The following COL9A1 variants were observed in gnomAD, a reference collection of about 807,000 sequenced individuals.
COL9A1 encodes the protein collagen type IX alpha 1 chain.
COL9A1 carries 104 observed loss-of-function variants against 142.6 expected under a neutral mutation model. That is an observed-to-expected ratio of 0.73 (90% CI 0.62 to 0.86). The LOEUF is 0.86. COL9A1 is among the 40% of genes least tolerant of loss of function. COL9A1 has a pLI of 0.00. For synonymous variants in COL9A1, 466 were observed against 396.0 expected, an observed-to-expected ratio of 1.18 and a Z score of -2.10; for missense variants, 1,210 against 1,176.6, an observed-to-expected ratio of 1.03 and a Z score of -0.42.
chr6:70,289,140 A>T (rs1477044803), intron 5 of COL9A1, among the ~76,000 whole-genome samples: 1 of 152,084 alleles, frequency 6.6e-6, no homozygotes, highest in South Asian at 2.1e-4. Flanking sequence ...TTTGGATTAG[A>T]TGCAAAGTTT....
intron 28 of COL9A1, among the ~76,000 whole-genome samples, chr6:70,247,666 G>A (rs548840670): frequency 6.6e-6 from 1 of 152,246 alleles, no homozygotes; most frequent in Non-Finnish European, 1.5e-5. Context: ...AACATTGAAA[G>A]GTCATATTAG....
At chr6:70,269,110 G>C (rs1772230294) in intron 16 of COL9A1, among the ~76,000 whole-genome samples, 1 of 152,114 alleles carries the variant, frequency 6.6e-6, no homozygotes, top group Non-Finnish European at 1.5e-5. Context: ...GTACCATCCA[G>C]ATTTAATAAA....
rs751410284 is a variant in COL9A1, at chr6:70,281,004, C to T, written c.912G>A (p.Pro304=). Residue 304 remains proline (P), a splice_region_variant and synonymous_variant, in exon 9 of 38, where the codon CCG becomes CCA. Transcript: ENST00000357250. ...GCGCCATATGCTCCAATCAACTTACCGGGGGGCCCGGGGGGCCCTTAGGAC... is the reference window on the plus strand; with the variant it reads ...GCGCCATATGCTCCAATCAACTTACTGGGGGGCCCGGGGGGCCCTTAGGAC... The part of the protein sequence containing the change: ...DRGPKGPPGP[P]GPAGEPGKPG... 8.7e-6 allele frequency: 14 copies of T among 1,612,838 alleles called. No individual in the cohort carries two copies. The Admixed American group carries it at 1.8e-4, about 21-fold the overall frequency.
chr6:70,266,217 A>T (rs188681507), intron 18 of COL9A1, among the ~76,000 whole-genome samples: 1 of 152,214 alleles, frequency 6.6e-6, no homozygotes, highest in Non-Finnish European at 1.5e-5. Flanking sequence ...ACTAACCTCC[A>T]GCTTACTCAG....
Position 70,266,730 on chromosome 6 carries a change from C to G in COL9A1, c.1328G>C (p.Arg443Thr). 3 of 1,613,270 alleles carry G rather than the reference C, an allele frequency of 1.9e-6. No individual in the cohort carries two copies. The highest frequency in any genetic ancestry group is 2.5e-6 in the Non-Finnish European group (3 of 1,179,338). The change falls in exon 18 of 38, where the codon AGA becomes ACA. Residue 443 changes from arginine (R) to threonine (T), a missense_variant. By Grantham distance (71) the Arg-to-Thr change is moderately conservative. Coordinates refer to ENST00000357250, the MANE Select transcript of COL9A1 (RefSeq NM_001851.6). ...CATTTTCCTTACCTTGTGTCCTTGT[C>G]TTCCTGGTTCACCAATTTCTCCTTT... is the stretch of plus-strand genomic sequence containing the variant. ...GAKGEIGEPG[R>T]QGHKGEEGDQ...
Position 70,256,718 on chromosome 6 carries a change from C to CA in COL9A1, c.1503+49dup, listed in dbSNP as rs34557832. The CA allele has an allele frequency of 0.21, 270,559 of 1,281,838 alleles. 3,579 individuals are homozygous for CA. Among genetic ancestry groups the CA allele is most frequent in the Non-Finnish European group, 0.24 (221,401 of 925,720 alleles). 79.4% of individuals were successfully genotyped at this position (1,281,838 alleles called of 1,614,324 possible). On this transcript the variant is annotated intron_variant, in intron 21 of 37. Transcript: ENST00000357250. ...ATACTGCACACACATGCATACATAG[C>CA]AAAAAAAAAAAAATCTATCATTGGG...
At chr6:70,242,265 C>CT in intron 29 of COL9A1, 1 of 598,006 alleles carries the variant, frequency 1.7e-6, no homozygotes, top group Middle Eastern at 4.3e-4. Flanking sequence ...CCTTGCACTC[C>CT]TTGGCAACAG....
At chr6:70,286,667 T>C (rs1161669195) in intron 5 of COL9A1, among the ~76,000 whole-genome samples, 1 of 152,220 alleles carries the variant, frequency 6.6e-6, no homozygotes, top group African/African-American at 2.4e-5. Context: ...GTTTATACCA[T>C]CATGAAAGAC....
rs1135057 is a variant in COL9A1, at chr6:70,225,951, A to G, written c.2562T>C (p.Pro854=). The G allele has an allele frequency of 9.4e-4, 1,521 of 1,614,036 alleles. 38 individuals are homozygous for G. In the South Asian group the frequency reaches 0.016, roughly 17 times the overall value. ...GPPGRGPNGL[P]GAIGLPGDPG... is the part of the protein sequence containing the mutation. ...ACTTACCTGGGAGACCTATAGCTCC[A>G]GGCAAACCGTTGGGACCTCTTCCTG... The change falls in exon 37 of 38, where the codon CCT becomes CCC. Residue 854 remains proline (P), a synonymous_variant. Coordinates refer to ENST00000357250, the MANE Select transcript of COL9A1 (RefSeq NM_001851.6).
intron 22 of COL9A1, 58 bp from the exon 23 acceptor site, chr6:70,255,261 C>G: frequency 6.2e-7 from 1 of 1,611,546 alleles, no homozygotes; most frequent in East Asian, 2.2e-5. Flanking sequence ...AATACTTAGA[C>G]TTGTCAAAGA....
At chr6:70,302,865 C>A in intron 1 of COL9A1, 46 bp downstream of exon 1, 1 of 1,607,474 alleles carries the variant, frequency 6.2e-7, no homozygotes, top group South Asian at 1.1e-5. Context: ...TTCTGAGGAC[C>A]CCCAGCTCCA....
In COL9A1 at chr6:70,235,447, C is replaced by G. The variant is rs575706318; in HGVS notation, c.2113-507G>C. Among the ~76,000 whole-genome samples the G allele has an allele frequency of 4.6e-5, 7 of 151,950 alleles. No individual in the cohort carries two copies. The East Asian group carries it at 1.4e-3, about 30-fold the overall frequency. On this transcript the variant is annotated intron_variant, in intron 33 of 37. Transcript: ENST00000357250. The stretch of plus-strand genomic sequence containing the variant: ...CAGCCTGGGCAACATAGTAAGACTC[C>G]GTCTCAAAAATTATAATAATAATAA...
intron 28 of COL9A1, among the ~76,000 whole-genome samples, chr6:70,249,993 G>A (rs1770838071): frequency 6.6e-6 from 1 of 152,150 alleles, no homozygotes; most frequent in South Asian, 2.1e-4. Context: ...GGGTGAGGTG[G>A]CTCACACCTG....
chr6:70,281,083 T>C, intron 8 of COL9A1, 44 bp from the exon 9 acceptor site: 1 of 1,543,210 alleles, frequency 6.5e-7, no homozygotes, highest in South Asian at 1.2e-5. Flanking sequence ...ATGAGCGGGA[T>C]AGGCTGAGGA....
In COL9A1 at chr6:70,252,302, G is replaced by C. The variant is rs757130148; in HGVS notation, c.1778C>G (p.Ala593Gly). Residue 593 changes from alanine to glycine, a missense_variant, in exon 27 of 38, where the codon GCT (alanine) becomes GGT (glycine). Physicochemically the swap from Ala to Gly is moderately conservative, Grantham distance 60. Transcript: ENST00000357250. ...TCCCATCTGACCAGGCTTCCCTGGA[G>C]CACCTGTGCTACCCTAAGGGTAAAA... ...GVAGEKGSTG[A>G]PGKPGQMGNS... 1.9e-6 allele frequency: 3 copies of C among 1,613,998 alleles called. No individual in the cohort carries two copies. In the Admixed American group the frequency reaches 5.0e-5, roughly 27 times the overall value.
At chr6:70,284,013 A>G (rs1773337973) in intron 5 of COL9A1, among the ~76,000 whole-genome samples, 193 bp from the exon 6 acceptor site, 1 of 152,198 alleles carries the variant, frequency 6.6e-6, no homozygotes, top group African/African-American at 2.4e-5. Context: ...AGCTTTCACA[A>G]GTTTCTCTGA....
rs527945609 is a variant in COL9A1 at position 70,232,688 on chromosome 6, G to C, written c.2398C>G (p.Pro800Ala). ...CCATTCTCTCCAGGAGGGCCGGGGG[G>C]ACCAGGAGGGCCAGGCCTTCCAGGA... ...GLPGRPGPPG[P>A]PGPPGENGFP... Residue 800 changes from proline to alanine, a missense_variant, in exon 36 of 38, where the codon CCC becomes GCC. Physicochemically the swap from Pro to Ala is conservative, Grantham distance 27. Coordinates refer to ENST00000357250, the MANE Select transcript of COL9A1 (RefSeq NM_001851.6). 1.2e-6 allele frequency: 2 copies of C among 1,613,968 alleles called. No homozygotes were observed. Among genetic ancestry groups the C allele is most frequent in the East Asian group, 2.2e-5 (1 of 44,882 alleles).
intron 21 of COL9A1, among the ~76,000 whole-genome samples, chr6:70,255,723 G>A (rs542754202): frequency 6.6e-6 from 1 of 152,262 alleles, no homozygotes; most frequent in East Asian, 1.9e-4. Context: ...TTCATTGACT[G>A]TTATAGAGGT....
At chr6:70,284,839 A>C (rs1773385610) in intron 5 of COL9A1, among the ~76,000 whole-genome samples, 1 of 152,228 alleles carries the variant, frequency 6.6e-6, no homozygotes, top group Non-Finnish European at 1.5e-5. Flanking sequence ...TCTTTCATGC[A>C]ATAGAGATTT....
Sources: allele counts gnomAD v4.1 joint callset (sites outside exome capture counted in the v4.1 genomes callset), GRCh38; gene constraint gnomAD v4.1.1; transcripts MANE v1.5; gene names NCBI Gene and HGNC (gene_info 2026-07-23, HGNC 2026-07-21).